Variants in PSMA8 observed in about 807,000 individuals in gnomAD.
PSMA8 encodes the protein proteasome 20S subunit alpha 8.
In PSMA8, 18 loss-of-function variants were observed where a neutral mutation model predicts 32.4. That is an observed-to-expected ratio of 0.56 (90% CI 0.38 to 0.82). The LOEUF is 0.82. Ranked by LOEUF, PSMA8 falls within the 40% of genes least tolerant of loss-of-function variation. The probability of loss-of-function intolerance (pLI) is 0.00; values close to 1 mark genes in which losing one functional copy is unlikely to be tolerated. For missense variants in PSMA8, 298 were observed against 300.7 expected (o/e 0.99, Z 0.07); for synonymous variants, 104 against 98.1 (o/e 1.06, Z -0.36).
At chr18:26,145,982 T>C (rs1353051608) in intron 2 of PSMA8, among the ~76,000 whole-genome samples, 3 of 152,182 alleles carry the variant, frequency 2.0e-5, no homozygotes, top group African/African-American at 7.2e-5. Flanking sequence ...AATATATGAG[T>C]GATTCATTTG....
intron 4 of PSMA8, among the ~76,000 whole-genome samples, chr18:26,176,889 C>T (rs892822670): frequency 1.3e-5 from 2 of 152,036 alleles, no homozygotes; most frequent in Non-Finnish European, 2.9e-5. Flanking sequence ...AACGAAATCA[C>T]GCCATTGCAC....
At chr18:26,172,929 A>G (rs1333291253) in intron 4 of PSMA8, among the ~76,000 whole-genome samples, 1 of 152,170 alleles carries the variant, frequency 6.6e-6, no homozygotes, top group Admixed American at 6.5e-5. Context: ...CTGCAGAAAG[A>G]CGTGACCTTA....
intron 4 of PSMA8, among the ~76,000 whole-genome samples, chr18:26,159,259 T>C (rs1344340487): frequency 6.6e-6 from 1 of 152,220 alleles, no homozygotes; most frequent in Non-Finnish European, 1.5e-5. Context: ...TGATTTGCAC[T>C]GACCATACTC....
Position 26,177,797 on chromosome 18 carries a change from G to A in PSMA8, c.478-1033G>A, listed in dbSNP as rs77187481. Among the ~76,000 whole-genome samples, 1,471 of 152,232 alleles carry A rather than the reference G, an allele frequency of 9.7e-3. 23 individuals are homozygous for A. Among genetic ancestry groups the A allele is most frequent in the African/African-American group, 0.034 (1,392 of 41,514 alleles). ...CAAAAATAGTGCTCAGCCCAACTTA[G>A]GTAAATAGCTTTCTTCATGTTGATG... On this transcript the variant is annotated intron_variant, in intron 4 of 6. Transcript: ENST00000415576.
Position 26,179,998 on chromosome 18 carries a change from C to T in PSMA8, c.660+868C>T, listed in dbSNP as rs149315500. 3.2e-3 allele frequency among the ~76,000 whole-genome samples: 486 copies of T among 151,700 alleles called. 4 individuals are homozygous for T. Among genetic ancestry groups the T allele is most frequent in the African/African-American group, 0.01 (431 of 41,404 alleles). On this transcript the variant is annotated intron_variant, in intron 6 of 6. Coordinates refer to ENST00000415576, the MANE Select transcript of PSMA8 (RefSeq NM_001025096.2). The stretch of plus-strand genomic sequence containing the variant: ...AGATGCGGTGGCTCACACCTGTAAT[C>T]CCAGCACTCTGGGAGGCTGAGGCGG...
intron 4 of PSMA8, among the ~76,000 whole-genome samples, chr18:26,166,274 A>G (rs13381882): frequency 0.056 from 8,549 of 152,236 alleles, 709 homozygotes; most frequent in African/African-American, 0.18. Flanking sequence ...TGATCTGCAA[A>G]TCCCTGACCC....
At chr18:26,144,206 A>G (rs1187693353) in intron 1 of PSMA8, among the ~76,000 whole-genome samples, 1 of 152,190 alleles carries the variant, frequency 6.6e-6, no homozygotes, top group African/African-American at 2.4e-5. Context: ...TGGTTTCATT[A>G]TACATCATTT....
chr18:26,192,276 C>A, intron 6 of PSMA8, 43 bp from the exon 7 acceptor site: 1 of 1,351,930 alleles, frequency 7.4e-7, no homozygotes, highest in South Asian at 1.8e-5. Flanking sequence ...ACATATTATT[C>A]GTATAACTGA....
At chr18:26,152,046 A>G (rs1182352288) in intron 3 of PSMA8, 64 bp downstream of exon 3, 3 of 1,332,620 alleles carry the variant, frequency 2.3e-6, no homozygotes. Context: ...AAGTCCTATC[A>G]TAGAAGTACT....
chr18:26,183,015 C>CTGGGAGG (rs2055324191), intron 6 of PSMA8, among the ~76,000 whole-genome samples: 6 of 150,284 alleles, frequency 4.0e-5, no homozygotes, highest in East Asian at 2.0e-4. Flanking sequence ...TTGCTTGAAC[C>CTGGGAGG]CAGGAGTTGG....
At chr18:26,192,276 C>T (rs745378377) in intron 6 of PSMA8, 43 bp from the exon 7 acceptor site, 67 of 1,351,812 alleles carry the variant, frequency 5.0e-5, no homozygotes, top group Non-Finnish European at 6.3e-5. Context: ...ACATATTATT[C>T]GTATAACTGA....
chr18:26,142,068 C>G (rs2054962764), intron 1 of PSMA8, among the ~76,000 whole-genome samples: 1 of 127,398 alleles, frequency 7.8e-6, no homozygotes, highest in Admixed American at 9.1e-5. Context: ...GAGATGGAGT[C>G]TCTCTCTGTC....
chr18:26,155,539 C>T (rs555122948), intron 3 of PSMA8, among the ~76,000 whole-genome samples: 2 of 152,234 alleles, frequency 1.3e-5, no homozygotes, highest in African/African-American at 2.4e-5. Flanking sequence ...ATGTCAGAAA[C>T]GTACATTGGA....
chr18:26,167,968 C>A (rs2055193681), intron 4 of PSMA8, among the ~76,000 whole-genome samples: 1 of 113,838 alleles, frequency 8.8e-6, no homozygotes, highest in Non-Finnish European at 1.6e-5. Flanking sequence ...ACAATGAAAA[C>A]AACAGTCCTG....
chr18:26,139,386 T>G (rs1195681726), intron 1 of PSMA8, among the ~76,000 whole-genome samples: 1 of 152,176 alleles, frequency 6.6e-6, no homozygotes, highest in Non-Finnish European at 1.5e-5. Context: ...CCTTCCCCAG[T>G]TGAGCCTAGA....
At chr18:26,163,285 A>G (rs904738264) in intron 4 of PSMA8, among the ~76,000 whole-genome samples, 1 of 141,554 alleles carries the variant, frequency 7.1e-6, no homozygotes, top group Non-Finnish European at 1.5e-5. Flanking sequence ...ATGAGACAAC[A>G]GGGTTAGGAG....
intron 4 of PSMA8, among the ~76,000 whole-genome samples, chr18:26,178,494 G>C (rs1433046058): frequency 6.6e-6 from 1 of 151,936 alleles, no homozygotes; most frequent in African/African-American, 2.4e-5. Flanking sequence ...AGCTACTCAG[G>C]AGGTTCAGGT....
intron 2 of PSMA8, among the ~76,000 whole-genome samples, chr18:26,145,168 G>T (rs1252165629): frequency 2.0e-5 from 3 of 152,068 alleles, no homozygotes; most frequent in Non-Finnish European, 4.4e-5. Context: ...GCCCAGGCTG[G>T]AGTGCAATGG....
intron 6 of PSMA8, among the ~76,000 whole-genome samples, chr18:26,183,150 G>T (rs2055326032): frequency 6.7e-6 from 1 of 149,992 alleles, no homozygotes; most frequent in Non-Finnish European, 1.5e-5. Flanking sequence ...CCAGCACTTT[G>T]GGAGGCCAAG....
Sources: gnomAD v4.1 joint callset for allele counts (sites outside exome capture counted in the v4.1 genomes callset) on GRCh38, gnomAD v4.1.1 for gene constraint, MANE v1.5 for transcripts, NCBI Gene and HGNC (gene_info 2026-07-23, HGNC 2026-07-21) for gene names.